LONP1: variants seen among roughly 807,000 people sequenced by gnomAD.
The protein encoded by LONP1 is lon peptidase 1, mitochondrial.
LONP1 carries 31 observed loss-of-function variants against 98.5 expected under a neutral mutation model. The ratio of observed to expected loss-of-function variants is 0.31; its 90% CI spans 0.24 to 0.42. The LOEUF is 0.42. LONP1 is among the 20% of genes least tolerant of loss of function. LONP1 has a pLI of 1.00. For missense variants in LONP1, 1,336 were observed against 1,350.6 expected, an observed-to-expected ratio of 0.99 and a Z score of 0.17; for synonymous variants, 781 against 594.7, an observed-to-expected ratio of 1.31 and a Z score of -4.56.
intron 5 of LONP1, chr19:5,708,039 A>G: frequency 1.6e-6 from 1 of 629,642 alleles, no homozygotes; most frequent in South Asian, 2.0e-5. Context: ...CCTCACGTGC[A>G]GCCACCACGG....
At chr19:5,692,810 C>T (rs549762709) in intron 17 of LONP1, among the ~76,000 whole-genome samples, 4 of 152,144 alleles carry the variant, frequency 2.6e-5, no homozygotes, top group South Asian at 2.1e-4. Flanking sequence ...ATGCCTCCCT[C>T]GTGGTGGCAT....
chr19:5,699,088 G>A lies in LONP1; in HGVS notation c.1624C>T (p.Arg542Ter). 2 of 1,607,192 alleles carry A rather than the reference G, an allele frequency of 1.2e-6. No homozygotes were observed. Among genetic ancestry groups the A allele is most frequent in the African/African-American group, 1.3e-5 (1 of 74,804 alleles). ...IARSIARALN[R>*]EYFRFSVGGM... ...CCGACGCTGAAGCGGAAGTACTCTC[G>A]GTTCAGGGCGCGGGCGATGGAGCGA... Residue 542 changes from arginine to a stop codon, truncating the protein, a stop_gained, in exon 10 of 18, where the codon CGA (arginine) becomes TGA (stop). Transcript: ENST00000360614. LOFTEE classifies it high-confidence loss of function.
At chr19:5,692,272 C>T (rs757716358) in intron 17 of LONP1, 64 bp from the exon 18 acceptor site, 2 of 1,508,342 alleles carry the variant, frequency 1.3e-6, no homozygotes, top group East Asian at 4.6e-5. Context: ...GTGCTAACCT[C>T]CAGGAACGAA....
At chr19:5,720,363 G>C, upstream of LONP1, 1 of 661,936 alleles carries the variant, frequency 1.5e-6, no homozygotes, top group Non-Finnish European at 2.4e-6. Context: ...CACGTGGAAG[G>C]CTGTGAGCAG....
At chr19:5,700,257 G>A (rs1215539995) in intron 9 of LONP1, among the ~76,000 whole-genome samples, 2 of 152,170 alleles carry the variant, frequency 1.3e-5, no homozygotes, top group Non-Finnish European at 2.9e-5. Flanking sequence ...GGGATTACAG[G>A]CATGCGCCAC....
rs945828 is a variant in LONP1, at chr19:5,707,193, T to C, written c.1063-50A>G. 1,216,834 of 1,518,800 alleles carry C rather than the reference T, an allele frequency of 0.8. 488,082 individuals are homozygous for C. The highest frequency in any genetic ancestry group is 0.88 in the Admixed American group (50,608 of 57,746). The allele number at this position is 1,518,800 out of a possible 1,614,324, so 94.1% of individuals were successfully genotyped here. On this transcript the variant is annotated intron_variant, in intron 6 of 17. Coordinates refer to ENST00000360614, the MANE Select transcript of LONP1 (RefSeq NM_004793.4). Reference sequence around the variant, plus strand: ...GGATGAGCAGAAGTCGGCATCTGTGTGTGTAGGGCCGAGGTTGGGGGAAAA... The same window carrying C: ...GGATGAGCAGAAGTCGGCATCTGTGCGTGTAGGGCCGAGGTTGGGGGAAAA...
At chr19:5,697,384 G>T (rs764036839) in intron 10 of LONP1, among the ~76,000 whole-genome samples, 8 of 151,732 alleles carry the variant, frequency 5.3e-5, no homozygotes, top group African/African-American at 1.7e-4. Context: ...AGAGAGCCAC[G>T]TGAGGGTCTG....
chr19:5,708,239 G>T (rs527876346), intron 5 of LONP1, 103 bp downstream of exon 5: 2 of 1,202,848 alleles, frequency 1.7e-6, no homozygotes, highest in Non-Finnish European at 2.4e-6. Context: ...GGGCAGGCAA[G>T]GTTTCCTCCC....
At chr19:5,701,371 T>A (rs1050651215) in intron 8 of LONP1, among the ~76,000 whole-genome samples, 16 of 152,244 alleles carry the variant, frequency 1.1e-4, no homozygotes, top group Non-Finnish European at 2.4e-4. Flanking sequence ...ATGGTCTCCC[T>A]CTGATGCCGA....
intron 6 of LONP1, 108 bp downstream of exon 6, chr19:5,707,589 C>A (rs919524684): frequency 8.2e-7 from 1 of 1,220,202 alleles, no homozygotes; most frequent in African/African-American, 1.5e-5. Context: ...CAAGGGCAGC[C>A]AGGCATGGGG....
intron 17 of LONP1, 99 bp downstream of exon 17, chr19:5,693,199 T>C (rs1205619448): frequency 2.8e-6 from 4 of 1,445,570 alleles, no homozygotes; most frequent in Non-Finnish European, 3.7e-6. Flanking sequence ...AGGGCTTCCC[T>C]CTCCTTGGCC....
At chr19:5,696,601 G>C in intron 11 of LONP1, 69 bp downstream of exon 11, 1 of 1,473,740 alleles carries the variant, frequency 6.8e-7, no homozygotes, top group Non-Finnish European at 9.3e-7. Context: ...CCTAGGACCC[G>C]GAAGGCTCGG....
rs368654972 is a variant in LONP1, at chr19:5,700,796, C to G, written c.1499G>C (p.Arg500Pro). ...DHYGMEDVKK[R>P]ILEFIAVSQL... ...GCCAGACACTGGGCTCACCAGGATG[C>G]GTTTCTTGACGTCCTCCATGCCGTA... Residue 500 changes from arginine to proline, a missense_variant, in exon 9 of 18, where the codon CGC becomes CCC. Coordinates refer to ENST00000360614, the MANE Select transcript of LONP1 (RefSeq NM_004793.4). 10 of 1,614,116 alleles carry G rather than the reference C, an allele frequency of 6.2e-6. No individual in the cohort carries two copies. The South Asian group carries it at 1.1e-4, about 18-fold the overall frequency.
Position 5,713,286 on chromosome 19 carries a change from C to A in LONP1, c.519-33G>T, listed in dbSNP as rs112012493. On this transcript the variant is annotated intron_variant, in intron 2 of 17. Coordinates refer to ENST00000360614, the MANE Select transcript of LONP1 (RefSeq NM_004793.4). ...AGAAGAGCACAGAGGAATGTTGGAA[C>A]ATGGCTTTCATGCTAGGCAGGATGT... The A allele has an allele frequency of 1.3e-5, 21 of 1,610,204 alleles. No individual in the cohort carries two copies. The African/African-American group carries it at 1.5e-4, about 11-fold the overall frequency.
At chr19:5,713,302 G>C in intron 2 of LONP1, 49 bp from the exon 3 acceptor site, 2 of 1,609,776 alleles carry the variant, frequency 1.2e-6, no homozygotes, top group Non-Finnish European at 1.7e-6. Context: ...TTTCATGCTA[G>C]GCAGGATGTC....
chr19:5,720,292 G>T, upstream of LONP1: 3 of 1,035,496 alleles, frequency 2.9e-6, no homozygotes, highest in Non-Finnish European at 3.9e-6. Context: ...CGGAGTTCGA[G>T]CATCGGATCG....
In LONP1 at chr19:5,716,247, A is replaced by G. The variant is rs1035590124; in HGVS notation, c.430-1976T>C. ...TTTTTAATTCTTTATTATATAATAA[A>G]GTTAAAATATACATATATATATATA... On this transcript the variant is annotated intron_variant, in intron 1 of 17. Transcript: ENST00000360614. Among the ~76,000 whole-genome samples, 2 of 101,868 alleles carry G rather than the reference A, an allele frequency of 2.0e-5. 1 individual carries two copies. The highest frequency in any genetic ancestry group is 4.0e-5 in the Non-Finnish European group (2 of 50,434). The allele number at this position is 101,868 out of a possible 152,430, so 66.8% of individuals were successfully genotyped here. A position where few individuals can be genotyped will look rare whatever the true frequency, so the allele number is the denominator to read the frequency against.
At chr19:5,698,344 G>C (rs191777657) in intron 10 of LONP1, among the ~76,000 whole-genome samples, 1 of 152,314 alleles carries the variant, frequency 6.6e-6, no homozygotes, top group Admixed American at 6.5e-5. Flanking sequence ...AACACGTGGT[G>C]GACTCAGCAG....
intron 2 of LONP1, 49 bp from the exon 3 acceptor site, chr19:5,713,302 G>A (rs780245854): frequency 6.2e-7 from 1 of 1,609,656 alleles, no homozygotes; most frequent in African/African-American, 1.3e-5. Flanking sequence ...TTTCATGCTA[G>A]GCAGGATGTC....
Sources: allele counts gnomAD v4.1 joint callset (sites outside exome capture counted in the v4.1 genomes callset), GRCh38; gene constraint gnomAD v4.1.1; transcripts MANE v1.5; gene names NCBI Gene and HGNC (gene_info 2026-07-23, HGNC 2026-07-21).